Variants in LRRC9 observed in about 807,000 individuals in gnomAD.
LRRC9 encodes the protein leucine rich repeat containing 9.
A neutral mutation model predicts 63.2 loss-of-function variants in LRRC9; 122 were observed. The observed-to-expected ratio is 1.93, with a 90% CI of 1.67 to 2.24. The LOEUF (loss-of-function observed/expected upper bound fraction) is 2.24. LRRC9 is among the 30% of genes most tolerant of loss of function. The pLI, the probability that LRRC9 is intolerant of heterozygous loss-of-function variation, is 0.00. For synonymous variants in LRRC9, 366 were observed against 213.1 expected (o/e 1.72, Z -6.25); for missense variants, 1,071 against 627.7 (o/e 1.71, Z -7.55).
chr14:59,993,907 G>A (rs1888448703), intron 17 of LRRC9, among the ~76,000 whole-genome samples: 1 of 152,106 alleles, frequency 6.6e-6, no homozygotes, highest in African/African-American at 2.4e-5. Context: ...AGATCAACAA[G>A]ACAGAAAGTT....
intron 8 of LRRC9, among the ~76,000 whole-genome samples, 167 bp from the exon 9 acceptor site, chr14:59,959,651 G>C (rs1884148722): frequency 6.6e-6 from 1 of 152,114 alleles, no homozygotes; most frequent in South Asian, 2.1e-4. Context: ...TCACATGTTT[G>C]GCATGTTTTT....
At chr14:59,979,718 C>CA (rs1486294490) in intron 15 of LRRC9, among the ~76,000 whole-genome samples, 2 of 149,240 alleles carry the variant, frequency 1.3e-5, no homozygotes, top group African/African-American at 5.0e-5. Flanking sequence ...ATCGCAAGGA[C>CA]AAAAAACCAA....
intron 16 of LRRC9, among the ~76,000 whole-genome samples, chr14:59,984,633 T>G (rs1415889837): frequency 1.3e-5 from 2 of 152,200 alleles, no homozygotes; most frequent in Non-Finnish European, 2.9e-5. Context: ...TTTGACCTTC[T>G]GTCCTCCTAC....
intron 29 of LRRC9, among the ~76,000 whole-genome samples, chr14:60,045,465 C>T (rs1566905399): frequency 6.6e-6 from 1 of 152,104 alleles, no homozygotes; most frequent in Non-Finnish European, 1.5e-5. Flanking sequence ...GGGTTGTTCC[C>T]ACTATGTGTC....
rs1014842568 is a variant in LRRC9 at position 60,051,563 on chromosome 14, T to C, written c.3991-1502T>C. Among the ~76,000 whole-genome samples, 12 of 152,184 alleles carry C rather than the reference T, an allele frequency of 7.9e-5. No individual in the cohort carries two copies. The highest frequency in any genetic ancestry group is 1.3e-4 in the Non-Finnish European group (9 of 68,036). On this transcript the variant is annotated intron_variant, in intron 29 of 31. Transcript: ENST00000445360. This position sits in a 1 kb window ranked among gnomAD's most constrained non-coding sequence, Gnocchi z 4.7. ...CCTCTGGTTTCAGGCAGACTCAGCC[T>C]ATTGCCCTTGGCTGGCTGGAATTCT...
chr14:59,988,264 G>A (rs1887686684), intron 17 of LRRC9, among the ~76,000 whole-genome samples: 2 of 152,034 alleles, frequency 1.3e-5, no homozygotes. Flanking sequence ...AATCCAGTTG[G>A]TCATAATTTC....
intron 23 of LRRC9, among the ~76,000 whole-genome samples, chr14:60,011,311 G>C (rs907381406): frequency 3.3e-5 from 5 of 152,098 alleles, no homozygotes; most frequent in Non-Finnish European, 7.4e-5. Flanking sequence ...CACAAGAACA[G>C]CACAGGAAAA....
At chr14:59,957,007 C>T (rs1333822236) in intron 8 of LRRC9, among the ~76,000 whole-genome samples, 1 of 152,172 alleles carries the variant, frequency 6.6e-6, no homozygotes, top group African/African-American at 2.4e-5. Context: ...AGCTGTTAGT[C>T]TGATGGGCTT....
rs79617704 is a variant in LRRC9 at position 60,006,681 on chromosome 14, T to C, written c.3063+64T>C. On this transcript the variant is annotated intron_variant, in intron 22 of 31. Transcript: ENST00000445360. Reference sequence around the variant, plus strand: ...GTATTGTTTCTTTATATTATGAAAGTAATGCATGTTTATTGCACAGAATTT... The same window carrying C: ...GTATTGTTTCTTTATATTATGAAAGCAATGCATGTTTATTGCACAGAATTT... 1.3e-3 allele frequency: 712 copies of C among 547,144 alleles called. 8 individuals carry two copies. Among genetic ancestry groups the C allele is most frequent in the African/African-American group, 0.012 (644 of 51,728 alleles). 33.9% of individuals were successfully genotyped at this position (547,144 alleles called of 1,614,324 possible).
At chr14:59,952,455 G>A (rs887536358) in intron 8 of LRRC9, among the ~76,000 whole-genome samples, 21 of 152,134 alleles carry the variant, frequency 1.4e-4, no homozygotes, top group Admixed American at 1.3e-3. Flanking sequence ...GAAATCACCC[G>A]TCTTCTGCGT....
At position 60,003,280 on chromosome 14, in the gene LRRC9, T is replaced by C. The variant is rs1889538564; in HGVS notation, c.2665-341T>C. ...CTGAGGGCCAACCTGGGAAGGAGAG[T>C]GACCTTGGCAGCTGTCTACAGCAAG... On this transcript the variant is annotated intron_variant, in intron 20 of 31. Transcript: ENST00000445360. This position sits in a 1 kb window ranked among gnomAD's most constrained non-coding sequence, Gnocchi z 4.2. Among the ~76,000 whole-genome samples, 1 of 151,904 alleles carries C rather than the reference T, an allele frequency of 6.6e-6. No homozygotes were observed. Among genetic ancestry groups the C allele is most frequent in the Non-Finnish European group, 1.5e-5 (1 of 67,964 alleles).
intron 29 of LRRC9, among the ~76,000 whole-genome samples, chr14:60,037,008 A>T (rs1048235596): frequency 1.3e-5 from 2 of 152,066 alleles, no homozygotes; most frequent in African/African-American, 4.8e-5. Context: ...GAGTGAGAAC[A>T]TGTGGTGTTT....
intron 6 of LRRC9, among the ~76,000 whole-genome samples, chr14:59,933,588 G>A (rs1889889661): frequency 6.6e-6 from 1 of 152,056 alleles, no homozygotes. Context: ...ATTAAAGTAG[G>A]CATTCTTTTA....
At chr14:59,968,442 T>C (rs1885096643) in intron 12 of LRRC9, among the ~76,000 whole-genome samples, 1 of 152,214 alleles carries the variant, frequency 6.6e-6, no homozygotes, top group African/African-American at 2.4e-5. Flanking sequence ...ATCTTATGTA[T>C]ATTTTGCCAC....
At chr14:59,945,046 T>A (rs1027479352) in intron 8 of LRRC9, among the ~76,000 whole-genome samples, 4 of 151,878 alleles carry the variant, frequency 2.6e-5, no homozygotes, top group African/African-American at 9.7e-5. Flanking sequence ...TGTATTTCAA[T>A]ATGATTTAGA....
rs561979281 is a variant in LRRC9, at chr14:59,930,143, T to A, written c.268-775T>A. The stretch of plus-strand genomic sequence containing the variant: ...AATAAGGGATTAAAACATAAACATA[T>A]TCTACTTTTTAGTAATCAAATCATA... On this transcript the variant is annotated intron_variant, in intron 3 of 31. Transcript: ENST00000445360. This position sits in a 1 kb window ranked among gnomAD's most constrained non-coding sequence, Gnocchi z 4.9. Among the ~76,000 whole-genome samples the A allele has an allele frequency of 3.3e-5, 5 of 152,190 alleles. No homozygotes were observed. The highest frequency in any genetic ancestry group is 3.3e-4 in the Admixed American group (5 of 15,262).
chr14:60,047,046 T>C (rs1893493658), intron 29 of LRRC9, among the ~76,000 whole-genome samples: 1 of 152,166 alleles, frequency 6.6e-6, no homozygotes, highest in Non-Finnish European at 1.5e-5. Context: ...CCATTCATGA[T>C]TTGACTCTCT....
intron 12 of LRRC9, among the ~76,000 whole-genome samples, chr14:59,972,315 G>A (rs1885604626): frequency 6.6e-6 from 1 of 152,098 alleles, no homozygotes; most frequent in Non-Finnish European, 1.5e-5. Flanking sequence ...TTAAAATGGA[G>A]AACTGTAAAC....
At chr14:60,050,199 T>C (rs1394936796) in intron 29 of LRRC9, among the ~76,000 whole-genome samples, 2 of 152,142 alleles carry the variant, frequency 1.3e-5, no homozygotes, top group African/African-American at 2.4e-5. Context: ...TTTCACCATG[T>C]TGGCCAGGCT....
Sources: gnomAD v4.1 joint callset for allele counts (sites outside exome capture counted in the v4.1 genomes callset) on GRCh38, gnomAD v4.1.1 for gene constraint, Gnocchi (gnomAD v3.1) non-coding constraint, MANE v1.5 for transcripts, NCBI Gene and HGNC (gene_info 2026-07-23, HGNC 2026-07-21) for gene names.